ALDH4A1: variants seen among roughly 807,000 people sequenced by gnomAD.
The protein encoded by ALDH4A1 is aldehyde dehydrogenase 4 family member A1.
A neutral mutation model predicts 70.5 loss-of-function variants in ALDH4A1; 46 were observed. That is an observed-to-expected ratio of 0.65 (90% CI 0.51 to 0.83). The LOEUF is 0.83. Ranked by LOEUF, ALDH4A1 falls within the 40% of genes least tolerant of loss-of-function variation. ALDH4A1 has a pLI of 0.00. For missense variants in ALDH4A1, 749 were observed against 766.5 expected (o/e 0.98, Z 0.27); for synonymous variants, 323 against 324.3 (o/e 1.00, Z 0.04).
At chr1:18,883,948 C>T (rs1472110178) in intron 5 of ALDH4A1, among the ~76,000 whole-genome samples, 1 of 152,272 alleles carries the variant, frequency 6.6e-6, no homozygotes, top group South Asian at 2.1e-4. Flanking sequence ...GACTGTGATT[C>T]CCTTAAACCG....
Position 18,883,231 on chromosome 1 carries a change from A to G in ALDH4A1, c.604-33T>C, listed in dbSNP as rs371266150. The G allele has an allele frequency of 8.2e-5, 132 of 1,613,008 alleles. 1 individual carries two copies. The highest frequency in any genetic ancestry group is 5.7e-4 in the Admixed American group (34 of 60,014). ...AGGAGGCAGCGGTGAGATCAGGCCCATGGCATTGGGCTGCCCCGCCTGCTC... is the reference window on the plus strand; with the variant it reads ...AGGAGGCAGCGGTGAGATCAGGCCCGTGGCATTGGGCTGCCCCGCCTGCTC... On this transcript the variant is annotated intron_variant, in intron 6 of 14. Transcript: ENST00000375341.
At chr1:18,890,202 G>T (rs565272825) in intron 1 of ALDH4A1, 97 bp from the exon 2 acceptor site, 4 of 1,027,322 alleles carry the variant, frequency 3.9e-6, no homozygotes, top group Middle Eastern at 2.8e-4. Flanking sequence ...TCCTAGGTGG[G>T]CACCCAGAGC....
chr1:18,890,820 C>G, intron 1 of ALDH4A1: 3 of 985,530 alleles, frequency 3.0e-6, no homozygotes, highest in Non-Finnish European at 3.6e-6. Context: ...AAACTCCTCT[C>G]TCTAAGCTGA....
At chr1:18,889,948 G>T in intron 2 of ALDH4A1, 64 bp downstream of exon 2, 1 of 1,375,560 alleles carries the variant, frequency 7.3e-7, no homozygotes, top group Non-Finnish European at 1.0e-6. Flanking sequence ...CTATCTCAGG[G>T]CTGCTGGGGA....
chr1:18,889,586 T>C, intron 2 of ALDH4A1, 132 bp from the exon 3 acceptor site: 1 of 797,254 alleles, frequency 1.3e-6, no homozygotes, highest in South Asian at 1.6e-5. Context: ...GCCAGGTCGG[T>C]GGCCATCAGA....
rs1557605837 is a variant in ALDH4A1 at position 18,871,484 on chromosome 1, A to C, written c.*1361T>G. The C allele has an allele frequency of 6.6e-6, 1 of 152,226 alleles. No individual in the cohort carries two copies. Among genetic ancestry groups the C allele is most frequent in the Non-Finnish European group, 1.5e-5 (1 of 68,066 alleles). 9.4% of individuals were successfully genotyped at this position (152,226 alleles called of 1,614,324 possible). On this transcript the variant is annotated 3_prime_UTR_variant, in exon 15 of 15. Transcript: ENST00000375341. ...TCTGAGCAAATCCCATTGCCACCTC[A>C]CAGTGTAGAACCAGTAGAACTAAGA... is the stretch of plus-strand genomic sequence containing the variant.
intron 13 of ALDH4A1, among the ~76,000 whole-genome samples, chr1:18,874,969 A>G (rs1316654401): frequency 6.6e-6 from 1 of 152,204 alleles, no homozygotes; most frequent in Admixed American, 6.5e-5. Context: ...AGTGCCACGG[A>G]GGAAAGAAGA....
chr1:18,899,473 C>T (rs1320406934), intron 1 of ALDH4A1, among the ~76,000 whole-genome samples: 1 of 152,172 alleles, frequency 6.6e-6, no homozygotes, highest in Non-Finnish European at 1.5e-5. Flanking sequence ...CCTGGGCTGG[C>T]TATTAATCTG....
intron 1 of ALDH4A1, among the ~76,000 whole-genome samples, chr1:18,891,382 G>A (rs1390735659): frequency 6.6e-6 from 1 of 152,192 alleles, no homozygotes; most frequent in Non-Finnish European, 1.5e-5. Flanking sequence ...TCAAGAGTAG[G>A]GGAAACCTGC....
chr1:18,879,826 TGA>T (rs1425804676), intron 8 of ALDH4A1, among the ~76,000 whole-genome samples: 1 of 152,176 alleles, frequency 6.6e-6, no homozygotes, highest in African/African-American at 2.4e-5. Flanking sequence ...CGCCCAGGCC[TGA>T]GAGGCCAAAC....
chr1:18,890,855 G>A, intron 1 of ALDH4A1: 1 of 985,504 alleles, frequency 1.0e-6, no homozygotes, highest in Non-Finnish European at 1.2e-6. Flanking sequence ...CCAGAACACA[G>A]TCTCAGAATG....
At chr1:18,890,697 G>GT in intron 1 of ALDH4A1, 1 of 985,544 alleles carries the variant, frequency 1.0e-6, no homozygotes, top group Non-Finnish European at 1.2e-6. Flanking sequence ...AACTCACGCG[G>GT]TTGTTTGAAG....
At chr1:18,892,098 C>T (rs569083122) in intron 1 of ALDH4A1, among the ~76,000 whole-genome samples, 4 of 151,584 alleles carry the variant, frequency 2.6e-5, no homozygotes, top group Non-Finnish European at 5.9e-5. Flanking sequence ...AGGGACGTGG[C>T]CTGAGGCTAG....
chr1:18,875,248 G>T, intron 13 of ALDH4A1, 134 bp downstream of exon 13: 1 of 1,459,216 alleles, frequency 6.9e-7, no homozygotes, highest in Non-Finnish European at 9.5e-7. Context: ...CTGGCTGCCT[G>T]TCTGGGCTGA....
chr1:18,890,250 C>G, intron 1 of ALDH4A1, 145 bp from the exon 2 acceptor site: 1 of 690,518 alleles, frequency 1.4e-6, no homozygotes, highest in Non-Finnish European at 2.5e-6. Flanking sequence ...GGGGTCAAAA[C>G]CCCACCTTGG....
At chr1:18,877,048 T>C (rs1442681966) in intron 11 of ALDH4A1, among the ~76,000 whole-genome samples, 160 bp downstream of exon 11, 1 of 152,168 alleles carries the variant, frequency 6.6e-6, no homozygotes, top group Non-Finnish European at 1.5e-5. Context: ...GATTCTGCCC[T>C]TTCTGAAGCT....
chr1:18,888,657 C>T (rs563007817), intron 3 of ALDH4A1, among the ~76,000 whole-genome samples: 1 of 152,004 alleles, frequency 6.6e-6, no homozygotes, highest in East Asian at 1.9e-4. Flanking sequence ...CACCTGCACA[C>T]ACACCCAGTG....
chr1:18,901,535 G>A (rs1935798881), intron 1 of ALDH4A1, among the ~76,000 whole-genome samples: 1 of 152,160 alleles, frequency 6.6e-6, no homozygotes, highest in Non-Finnish European at 1.5e-5. Flanking sequence ...ACCTAGCTCC[G>A]AGCTGGAGGG....
In ALDH4A1 at chr1:18,886,474, T is replaced by A; in HGVS notation, c.287A>T (p.Tyr96Phe). The change falls in exon 4 of 15, where the codon TAT (tyrosine) becomes TTT (phenylalanine). Residue 96 changes from tyrosine to phenylalanine, a missense_variant. By Grantham distance (22) the Tyr-to-Phe change is conservative. Transcript: ENST00000375341. ...CACAGGCTCACTCACCTTGTCTGCA[T>A]AACAGAACTTGGCCACCTTATGTCC... ...NHGHKVAKFC[Y>F]ADKSLLNKAI... is the part of the protein sequence containing the mutation. 1 of 1,614,184 alleles carries A rather than the reference T, an allele frequency of 6.2e-7. No homozygotes were observed. The highest frequency in any genetic ancestry group is 8.5e-7 in the Non-Finnish European group (1 of 1,180,034).
Sources: allele counts gnomAD v4.1 joint callset (sites outside exome capture counted in the v4.1 genomes callset), GRCh38; gene constraint gnomAD v4.1.1; transcripts MANE v1.5; gene names NCBI Gene and HGNC (gene_info 2026-07-23, HGNC 2026-07-21).